The following KCNQ5 variants were observed in gnomAD, a reference collection of about 807,000 sequenced individuals.
KCNQ5 encodes the protein potassium voltage-gated channel subfamily Q member 5.
Under a neutral mutation model 98.2 loss-of-function variants are expected in KCNQ5, and 30 were observed. That is an observed-to-expected ratio of 0.31 (90% CI 0.23 to 0.41). The LOEUF (loss-of-function observed/expected upper bound fraction) is 0.41, where lower values mean the gene tolerates loss of function less well. KCNQ5 is among the 10% of genes least tolerant of loss of function. The pLI is 1.00. For synonymous variants in KCNQ5, 458 were observed against 449.4 expected, an observed-to-expected ratio of 1.02 and a Z score of -0.24; for missense variants, 835 against 1,182.5, an observed-to-expected ratio of 0.71 and a Z score of 4.31.
chr6:72,880,364 C>T (rs1010885684), intron 1 of KCNQ5, among the ~76,000 whole-genome samples: 1 of 152,066 alleles, frequency 6.6e-6, no homozygotes, highest in African/African-American at 2.4e-5. Context: ...GTGGAAGGGG[C>T]GAGGGGTCTC....
chr6:72,956,566 AT>A (rs1767075947), intron 1 of KCNQ5, among the ~76,000 whole-genome samples: 1 of 34,270 alleles, frequency 2.9e-5, no homozygotes, highest in Non-Finnish European at 6.4e-5. Flanking sequence ...TTATTTTTTT[AT>A]TTTTTATTTT....
At chr6:73,096,673 G>A (rs1257225409) in intron 5 of KCNQ5, among the ~76,000 whole-genome samples, 1 of 152,188 alleles carries the variant, frequency 6.6e-6, no homozygotes, top group Non-Finnish European at 1.5e-5. Context: ...AGAAAGTGAT[G>A]CTATGATTTA....
In KCNQ5 at chr6:73,129,663, T is replaced by C; in HGVS notation, c.1248-3758T>C. 3 of 684,720 alleles carry C rather than the reference T, an allele frequency of 4.4e-6. No homozygotes were observed. The Admixed American group carries it at 8.4e-5, about 19-fold the overall frequency. The allele number at this position is 684,720 out of a possible 1,614,324, so 42.4% of individuals were successfully genotyped here. A position where few individuals can be genotyped will look rare whatever the true frequency, so the allele number is the denominator to read the frequency against. Reference sequence around the variant, plus strand: ...ATTAAACAACATAGTACTCTCTGCTTAAATAGTCTGTGTACTTCTATATTA... The same window carrying C: ...ATTAAACAACATAGTACTCTCTGCTCAAATAGTCTGTGTACTTCTATATTA... On this transcript the variant is annotated intron_variant, in intron 9 of 13. Transcript: ENST00000370398.
At chr6:72,626,071 T>C (rs1376269363) in intron 1 of KCNQ5, among the ~76,000 whole-genome samples, 2 of 152,256 alleles carry the variant, frequency 1.3e-5, no homozygotes, top group Non-Finnish European at 2.9e-5. Context: ...GTGTGTAATA[T>C]GTGCTAATTC....
intron 1 of KCNQ5, among the ~76,000 whole-genome samples, chr6:72,903,398 C>T (rs1234064691): frequency 6.6e-6 from 1 of 152,128 alleles, no homozygotes; most frequent in Non-Finnish European, 1.5e-5. Context: ...TCTTGTTTCT[C>T]TAGTTCCTTG....
At chr6:72,730,536 G>A (rs893450976) in intron 1 of KCNQ5, among the ~76,000 whole-genome samples, 1 of 151,934 alleles carries the variant, frequency 6.6e-6, no homozygotes, top group Non-Finnish European at 1.5e-5. Context: ...TTTCTGTATG[G>A]CCACCCAGTT....
At chr6:72,909,885 C>A (rs79991493) in intron 1 of KCNQ5, among the ~76,000 whole-genome samples, 2 of 152,128 alleles carry the variant, frequency 1.3e-5, no homozygotes, top group Non-Finnish European at 2.9e-5. Flanking sequence ...GGACATCCTC[C>A]CAGCCAAAAT....
At chr6:73,153,082 C>A in intron 10 of KCNQ5, among the ~76,000 whole-genome samples, 1 of 152,118 alleles carries the variant, frequency 6.6e-6, no homozygotes, top group East Asian at 1.9e-4. Flanking sequence ...TGCACGCAAC[C>A]TTCCTTATCT....
rs1776182445 is a variant in KCNQ5 at position 73,130,434 on chromosome 6, A to G, written c.1248-2987A>G. ...CATGGTCCTCAGCTGTAACTGTGGG[A>G]CTGTACCCTAAGAGAGATGCTCCGA... On this transcript the variant is annotated intron_variant, in intron 9 of 13. Transcript: ENST00000370398. Among the ~76,000 whole-genome samples the G allele has an allele frequency of 3.9e-5, 6 of 152,146 alleles. No homozygotes were observed. In the South Asian group the frequency reaches 1.2e-3, roughly 32 times the overall value.
chr6:72,861,579 G>A (rs184517310), intron 1 of KCNQ5, among the ~76,000 whole-genome samples: 5 of 152,282 alleles, frequency 3.3e-5, no homozygotes, highest in Admixed American at 3.3e-4. Context: ...TCCTTAGTGT[G>A]TGTCTGGATA....
chr6:72,657,736 T>A (rs1041013559), intron 1 of KCNQ5, among the ~76,000 whole-genome samples: 1 of 152,266 alleles, frequency 6.6e-6, no homozygotes, highest in Non-Finnish European at 1.5e-5. Flanking sequence ...TATGTTATAG[T>A]TACAGCTTTT....
At chr6:73,095,691 T>C (rs1208343862) in intron 5 of KCNQ5, among the ~76,000 whole-genome samples, 3 of 152,166 alleles carry the variant, frequency 2.0e-5, no homozygotes, top group Non-Finnish European at 4.4e-5. Flanking sequence ...TTGTTATCTA[T>C]CTTGTGGATC....
chr6:73,123,491 G>A (rs1262623993), intron 8 of KCNQ5, among the ~76,000 whole-genome samples: 5 of 152,168 alleles, frequency 3.3e-5, no homozygotes, highest in Admixed American at 1.3e-4. Flanking sequence ...GAAATGGGAG[G>A]AGGGACACTC....
At chr6:72,638,899 A>G (rs536923987) in intron 1 of KCNQ5, among the ~76,000 whole-genome samples, 1 of 152,292 alleles carries the variant, frequency 6.6e-6, no homozygotes, top group South Asian at 2.1e-4. Context: ...ATAGGAGAAA[A>G]TTCAAAGGGA....
At chr6:72,887,496 T>C (rs1778891272) in intron 1 of KCNQ5, among the ~76,000 whole-genome samples, 1 of 152,104 alleles carries the variant, frequency 6.6e-6, no homozygotes. Flanking sequence ...TATCAGAAGA[T>C]CTGAGATACA....
chr6:72,661,530 G>T (rs1471761354), intron 1 of KCNQ5, among the ~76,000 whole-genome samples: 1 of 151,918 alleles, frequency 6.6e-6, no homozygotes, highest in Non-Finnish European at 1.5e-5. Flanking sequence ...TTCCCCATAG[G>T]AGTAAGTTTC....
chr6:73,074,105 T>C (rs572444610), intron 3 of KCNQ5, among the ~76,000 whole-genome samples: 1 of 152,330 alleles, frequency 6.6e-6, no homozygotes, highest in African/African-American at 2.4e-5. Context: ...TAAATATTTA[T>C]TGAGTGCCTA....
chr6:72,942,028 G>T (rs1284038830), intron 1 of KCNQ5, among the ~76,000 whole-genome samples: 1 of 152,124 alleles, frequency 6.6e-6, no homozygotes, highest in African/African-American at 2.4e-5. Context: ...AGTGGGGAAG[G>T]GCATTTTCTG....
At chr6:72,808,674 G>A (rs1378286067) in intron 1 of KCNQ5, among the ~76,000 whole-genome samples, 4 of 152,244 alleles carry the variant, frequency 2.6e-5, no homozygotes, top group Middle Eastern at 3.4e-3. Context: ...ACTGCCGGGC[G>A]CGGTGGCTCA....
Sources: gnomAD v4.1 joint callset for allele counts (sites outside exome capture counted in the v4.1 genomes callset) on GRCh38, gnomAD v4.1.1 for gene constraint, MANE v1.5 for transcripts, NCBI Gene and HGNC (gene_info 2026-07-23, HGNC 2026-07-21) for gene names.